NEGR1: variants seen among roughly 807,000 people sequenced by gnomAD.
The protein encoded by NEGR1 is neuronal growth regulator 1.
In NEGR1, 10 loss-of-function variants were observed where a neutral mutation model predicts 40.9. The observed-to-expected ratio is 0.24, with a 90% CI of 0.15 to 0.42. The LOEUF (loss-of-function observed/expected upper bound fraction) is 0.42. NEGR1 is among the 10% of genes least tolerant of loss of function. The pLI is 1.00. For synonymous variants in NEGR1, 185 were observed against 166.8 expected, an observed-to-expected ratio of 1.11 and a Z score of -0.84; for missense variants, 352 against 438.9, an observed-to-expected ratio of 0.80 and a Z score of 1.77.
At chr1:71,621,108 C>T (rs937862680) in intron 4 of NEGR1, among the ~76,000 whole-genome samples, 3 of 151,840 alleles carry the variant, frequency 2.0e-5, no homozygotes, top group African/African-American at 7.3e-5. Flanking sequence ...CATGATAAGA[C>T]ATGGGCAAAA....
intron 6 of NEGR1, among the ~76,000 whole-genome samples, chr1:71,552,275 T>G (rs1236465894): frequency 6.6e-6 from 1 of 150,904 alleles, no homozygotes; most frequent in Non-Finnish European, 1.5e-5. Flanking sequence ...CCTTTAGTAA[T>G]TTTTCATCCA....
At chr1:72,198,569 C>T (rs189770308) in intron 1 of NEGR1, among the ~76,000 whole-genome samples, 1 of 152,084 alleles carries the variant, frequency 6.6e-6, no homozygotes, top group Non-Finnish European at 1.5e-5. Context: ...ATATCTATTC[C>T]TGATACAAGG....
chr1:72,094,348 T>C (rs1261089518), intron 1 of NEGR1, among the ~76,000 whole-genome samples: 7 of 152,038 alleles, frequency 4.6e-5, no homozygotes, highest in African/African-American at 1.2e-4. Context: ...AGAGAAAAAG[T>C]GGGAAAGAGT....
At chr1:71,667,442 G>A (rs1652280241) in intron 4 of NEGR1, among the ~76,000 whole-genome samples, 1 of 152,146 alleles carries the variant, frequency 6.6e-6, no homozygotes, top group African/African-American at 2.4e-5. Context: ...AAAAATCAGT[G>A]TTGCAATCTG....
rs115748595 is a variant in NEGR1 at position 71,744,300 on chromosome 1, T to C, written c.535+31872A>G. On this transcript the variant is annotated intron_variant, in intron 3 of 6. Transcript: ENST00000357731. ...GACAAATAACATATATATATATATA[T>C]ATAAAGTGCTTGGTAAATGGAGCAC... Among the ~76,000 whole-genome samples the C allele has an allele frequency of 5.7e-3, 843 of 147,832 alleles. 7 individuals are homozygous for C. The highest frequency in any genetic ancestry group is 9.3e-3 in the Non-Finnish European group (627 of 67,174).
chr1:71,880,249 A>T (rs1388511175), intron 2 of NEGR1, among the ~76,000 whole-genome samples: 1 of 151,998 alleles, frequency 6.6e-6, no homozygotes, highest in African/African-American at 2.4e-5. Flanking sequence ...TAATTTAAAT[A>T]TTTTATTTAT....
At chr1:71,993,769 A>G (rs1646476468) in intron 1 of NEGR1, among the ~76,000 whole-genome samples, 1 of 152,196 alleles carries the variant, frequency 6.6e-6, no homozygotes, top group East Asian at 1.9e-4. Flanking sequence ...AGAAAGAATA[A>G]AGAATTCCCT....
At chr1:72,033,332 T>C (rs1210474603) in intron 1 of NEGR1, among the ~76,000 whole-genome samples, 1 of 152,156 alleles carries the variant, frequency 6.6e-6, no homozygotes. Flanking sequence ...GCAGTAATAA[T>C]GTAAGATTAA....
At chr1:71,736,724 C>A (rs1405417143) in intron 3 of NEGR1, among the ~76,000 whole-genome samples, 1 of 152,146 alleles carries the variant, frequency 6.6e-6, no homozygotes, top group Admixed American at 6.5e-5. Context: ...GGAACCTCAA[C>A]TGTAACTAGT....
At chr1:71,595,459 G>A (rs1317042267) in intron 5 of NEGR1, among the ~76,000 whole-genome samples, 2 of 152,252 alleles carry the variant, frequency 1.3e-5, no homozygotes, top group East Asian at 3.8e-4. Flanking sequence ...GAAGGACTTT[G>A]CAAAGCTGAC....
intron 3 of NEGR1, among the ~76,000 whole-genome samples, chr1:71,750,665 A>G (rs1655541512): frequency 6.6e-6 from 1 of 152,140 alleles, no homozygotes; most frequent in Non-Finnish European, 1.5e-5. Context: ...CCATGATTCA[A>G]TTACCTCCCA....
At chr1:71,600,214 T>C (rs1233263374) in intron 5 of NEGR1, among the ~76,000 whole-genome samples, 4 of 152,198 alleles carry the variant, frequency 2.6e-5, no homozygotes, top group African/African-American at 9.6e-5. Context: ...CTCTACTTTA[T>C]ATTTAGTAAA....
chr1:72,171,215 A>G (rs1178959867), intron 1 of NEGR1, among the ~76,000 whole-genome samples: 1 of 152,188 alleles, frequency 6.6e-6, no homozygotes, highest in African/African-American at 2.4e-5. Flanking sequence ...AAAAGAACAA[A>G]CAGCCATCCA....
At chr1:71,500,031 G>A (rs993856143) in intron 6 of NEGR1, among the ~76,000 whole-genome samples, 1 of 151,912 alleles carries the variant, frequency 6.6e-6, no homozygotes, top group African/African-American at 2.4e-5. Context: ...TTATTTAATG[G>A]AGGATATTTT....
chr1:71,441,030 G>A (rs535858346), intron 6 of NEGR1, among the ~76,000 whole-genome samples: 74 of 152,292 alleles, frequency 4.9e-4, no homozygotes, highest in African/African-American at 1.7e-3. Flanking sequence ...CAGAAATGTA[G>A]GTGAGGCTTT....
At chr1:71,888,371 G>C (rs191111017) in intron 2 of NEGR1, among the ~76,000 whole-genome samples, 1 of 152,102 alleles carries the variant, frequency 6.6e-6, no homozygotes, top group African/African-American at 2.4e-5. Flanking sequence ...CACCGTGCGC[G>C]AGCCTAAGCA....
chr1:71,830,893 C>A (rs1658816423), intron 2 of NEGR1, among the ~76,000 whole-genome samples: 1 of 151,408 alleles, frequency 6.6e-6, no homozygotes, highest in Non-Finnish European at 1.5e-5. Flanking sequence ...TGGGGAGACA[C>A]AATTATATAA....
At chr1:71,684,197 G>A (rs913983058) in intron 4 of NEGR1, among the ~76,000 whole-genome samples, 4 of 152,096 alleles carry the variant, frequency 2.6e-5, no homozygotes, top group African/African-American at 9.7e-5. Context: ...GTGAACCCGG[G>A]AGGGCGGAGC....
At chr1:72,174,128 A>G (rs967842125) in intron 1 of NEGR1, among the ~76,000 whole-genome samples, 1 of 152,088 alleles carries the variant, frequency 6.6e-6, no homozygotes, top group Non-Finnish European at 1.5e-5. Flanking sequence ...TTTTAAATTT[A>G]CTGGTATGAA....
Sources: gnomAD v4.1 joint callset for allele counts (sites outside exome capture counted in the v4.1 genomes callset) on GRCh38, gnomAD v4.1.1 for gene constraint, MANE v1.5 for transcripts, NCBI Gene and HGNC (gene_info 2026-07-23, HGNC 2026-07-21) for gene names.